NFIB: variants seen among roughly 807,000 people sequenced by gnomAD.
NFIB encodes the protein nuclear factor 1 B-type.
A neutral mutation model predicts 61.5 loss-of-function variants in NFIB; 11 were observed. The observed-to-expected ratio is 0.18, with a 90% confidence interval of 0.11 to 0.30. The LOEUF is 0.30. Ranked by LOEUF, NFIB falls within the 10% of genes least tolerant of loss-of-function variation. NFIB has a pLI of 1.00. For missense variants in NFIB, 471 were observed against 608.9 expected (o/e 0.77, Z 2.38); for synonymous variants, 260 against 216.5 (o/e 1.20, Z -1.76).
the NFIB span, among the ~76,000 whole-genome samples, chr9:14,504,438 T>C: frequency 6.6e-6 from 1 of 152,248 alleles, no homozygotes; most frequent in African/African-American, 2.4e-5. Context: ...ATTTTCACAA[T>C]ATTGATTCTA....
chr9:14,363,617 G>C (rs1588371489), intron 1 of NFIB, among the ~76,000 whole-genome samples: 1 of 123,298 alleles, frequency 8.1e-6, no homozygotes, highest in South Asian at 2.3e-4. Flanking sequence ...ATATGTGCAT[G>C]TATATGTGTG....
intron 6 of NFIB, among the ~76,000 whole-genome samples, chr9:14,137,552 A>G (rs1036759565): frequency 6.6e-6 from 1 of 152,156 alleles, no homozygotes; most frequent in African/African-American, 2.4e-5. Context: ...AAATCTTAGT[A>G]TACAACTTTG....
At chr9:14,485,500 G>A in the NFIB span, among the ~76,000 whole-genome samples, 2 of 152,236 alleles carry the variant, frequency 1.3e-5, no homozygotes, top group Non-Finnish European at 1.5e-5. Flanking sequence ...AGTTGTGTTG[G>A]CATCTACTTA....
At chr9:14,465,197 C>T in the NFIB span, among the ~76,000 whole-genome samples, 9 of 152,152 alleles carry the variant, frequency 5.9e-5, no homozygotes, top group Non-Finnish European at 8.8e-5. Flanking sequence ...ACCTTCCACC[C>T]CCTTATCCTC....
intron 3 of NFIB, among the ~76,000 whole-genome samples, chr9:14,167,122 G>C (rs1366014123): frequency 6.8e-6 from 1 of 147,210 alleles, no homozygotes; most frequent in African/African-American, 2.5e-5. Context: ...ATTCAGTAAT[G>C]TAAACTAATT....
intron 1 of NFIB, among the ~76,000 whole-genome samples, chr9:14,348,495 G>A (rs1486087188): frequency 6.6e-6 from 1 of 152,186 alleles, no homozygotes; most frequent in Non-Finnish European, 1.5e-5. Flanking sequence ...CTCCCAGAAC[G>A]CAGCTTTCGT....
At chr9:14,469,551 C>T in the NFIB span, among the ~76,000 whole-genome samples, 1 of 152,126 alleles carries the variant, frequency 6.6e-6, no homozygotes, top group East Asian at 1.9e-4. Flanking sequence ...TGGCTTCTTC[C>T]CTCTGCATGC....
chr9:14,478,766 A>T, the NFIB span, among the ~76,000 whole-genome samples: 1 of 152,220 alleles, frequency 6.6e-6, no homozygotes, highest in Non-Finnish European at 1.5e-5. Flanking sequence ...TCTTATAATG[A>T]TGTAATGAAT....
At chr9:14,236,033 G>T (rs1485936487) in intron 2 of NFIB, among the ~76,000 whole-genome samples, 3 of 152,088 alleles carry the variant, frequency 2.0e-5, no homozygotes, top group Non-Finnish European at 4.4e-5. Flanking sequence ...GAGTGTACAG[G>T]ATATTTTTTA....
intron 10 of NFIB, among the ~76,000 whole-genome samples, chr9:14,101,249 A>T (rs555632596): frequency 1.3e-5 from 2 of 152,320 alleles, no homozygotes; most frequent in Admixed American, 1.3e-4. Context: ...AAATCACAAT[A>T]TGTAAAAATG....
chr9:14,453,786 AG>A, the NFIB span, among the ~76,000 whole-genome samples: 1 of 152,206 alleles, frequency 6.6e-6, no homozygotes, highest in East Asian at 1.9e-4. Flanking sequence ...TATAACAAAA[AG>A]AAAATACAAT....
intron 1 of NFIB, among the ~76,000 whole-genome samples, chr9:14,343,282 C>T (rs1031571791): frequency 3.0e-4 from 45 of 152,282 alleles, no homozygotes; most frequent in African/African-American, 1.1e-3. Flanking sequence ...ACCTCTACCC[C>T]GGTGCCAGAG....
the NFIB span, among the ~76,000 whole-genome samples, chr9:14,417,563 C>A: frequency 2.0e-5 from 3 of 152,284 alleles, no homozygotes; most frequent in Non-Finnish European, 4.4e-5. Context: ...CCCCTATGCT[C>A]AGCACATGGT....
intron 2 of NFIB, among the ~76,000 whole-genome samples, chr9:14,224,762 A>G (rs1344501192): frequency 5.3e-5 from 8 of 152,240 alleles, no homozygotes; most frequent in African/African-American, 1.9e-4. Context: ...GGGCGGTCCT[A>G]GAACCAATTC....
intron 2 of NFIB, among the ~76,000 whole-genome samples, chr9:14,219,874 T>A (rs1005094206): frequency 2.0e-5 from 3 of 151,224 alleles, no homozygotes; most frequent in Admixed American, 2.0e-4. Flanking sequence ...AAAGCCAATA[T>A]CTTGAATCAT....
At chr9:14,527,947 A>G in the NFIB span, among the ~76,000 whole-genome samples, 1 of 152,162 alleles carries the variant, frequency 6.6e-6, no homozygotes, top group Non-Finnish European at 1.5e-5. Context: ...GTTAGGCAGA[A>G]GTTTTCTAAT....
chr9:14,135,556 A>C (rs1363120679), intron 6 of NFIB, among the ~76,000 whole-genome samples: 1 of 152,210 alleles, frequency 6.6e-6, no homozygotes, highest in Non-Finnish European at 1.5e-5. Context: ...CTCCAAGTTA[A>C]CAAAAAGCTC....
chr9:14,114,032 G>A (rs552120469), intron 9 of NFIB, among the ~76,000 whole-genome samples: 1 of 152,254 alleles, frequency 6.6e-6, no homozygotes, highest in East Asian at 1.9e-4. Flanking sequence ...TTATTGTTCT[G>A]AAGAAAGCTA....
rs181314880 is a variant in NFIB, at chr9:14,200,986, A to T, written c.563-21206T>A. Among the ~76,000 whole-genome samples the T allele has an allele frequency of 2.5e-4, 38 of 152,222 alleles. No individual in the cohort carries two copies. The East Asian group carries it at 6.8e-3, about 27-fold the overall frequency. ...CAGCCATTCAGTTTCCCAAGCTGAAAATGCTCATTCCAGAAACCCCAACTC... is the reference window on the plus strand; with the variant it reads ...CAGCCATTCAGTTTCCCAAGCTGAATATGCTCATTCCAGAAACCCCAACTC... On this transcript the variant is annotated intron_variant, in intron 2 of 10. Coordinates refer to ENST00000380953, the MANE Select transcript of NFIB (RefSeq NM_001190737.2).
Sources: gnomAD v4.1 joint callset for allele counts (sites outside exome capture counted in the v4.1 genomes callset) on GRCh38, gnomAD v4.1.1 for gene constraint, MANE v1.5 for transcripts, NCBI Gene and HGNC (gene_info 2026-07-23, HGNC 2026-07-21) for gene names.